NALF1: variants seen among roughly 807,000 people sequenced by gnomAD.
NALF1 encodes the protein family with sequence similarity 155 member A.
In NALF1, 3 loss-of-function variants were observed where a neutral mutation model predicts 48.4. The observed-to-expected ratio is 0.06, with a 90% CI of 0.03 to 0.16. The LOEUF (loss-of-function observed/expected upper bound fraction) is 0.16. NALF1 is among the 10% of genes least tolerant of loss of function. The pLI is 1.00. For synonymous variants in NALF1, 262 were observed against 245.7 expected, an observed-to-expected ratio of 1.07 and a Z score of -0.62; for missense variants, 526 against 571.5, an observed-to-expected ratio of 0.92 and a Z score of 0.81.
chr13:107,602,318 T>G (rs1878952413), intron 1 of NALF1, among the ~76,000 whole-genome samples: 1 of 152,170 alleles, frequency 6.6e-6, no homozygotes, highest in Non-Finnish European at 1.5e-5. Flanking sequence ...CGGCTGAGAA[T>G]AAGCTATTTA....
At chr13:107,538,738 G>A (rs796929662) in intron 1 of NALF1, among the ~76,000 whole-genome samples, 2 of 152,072 alleles carry the variant, frequency 1.3e-5, no homozygotes, top group Non-Finnish European at 2.9e-5. Flanking sequence ...GAGAAAAATT[G>A]CTTAATTTCT....
intron 1 of NALF1, among the ~76,000 whole-genome samples, chr13:107,403,678 A>G (rs1307229320): frequency 6.6e-6 from 1 of 151,868 alleles, no homozygotes; most frequent in Admixed American, 6.6e-5. Flanking sequence ...ACTGAAGACA[A>G]GTTCTTCCAC....
At chr13:107,639,454 A>G (rs1880090126) in intron 1 of NALF1, among the ~76,000 whole-genome samples, 1 of 152,112 alleles carries the variant, frequency 6.6e-6, no homozygotes, top group Admixed American at 6.5e-5. Flanking sequence ...GTGTCCTTGC[A>G]CTTTACCTCC....
chr13:107,754,147 CTT>C, intron 1 of NALF1, among the ~76,000 whole-genome samples: 1 of 152,136 alleles, frequency 6.6e-6, no homozygotes, highest in East Asian at 1.9e-4. Flanking sequence ...GATAGGAACT[CTT>C]TCATTCTGAT....
intron 1 of NALF1, among the ~76,000 whole-genome samples, chr13:107,600,057 T>A (rs2138423899): frequency 6.6e-6 from 1 of 152,340 alleles, no homozygotes; most frequent in East Asian, 1.9e-4. Context: ...TTTCATCTGG[T>A]GGTTAATTAT....
chr13:107,850,305 C>T (rs1029200568), intron 1 of NALF1, among the ~76,000 whole-genome samples: 6 of 152,176 alleles, frequency 3.9e-5, no homozygotes, highest in African/African-American at 1.4e-4. Flanking sequence ...TTGATTAAAT[C>T]AATTATATTT....
chr13:107,771,338 G>A lies in NALF1; in HGVS notation c.915+94344C>T, dbSNP rs142387121. 4.7e-4 allele frequency among the ~76,000 whole-genome samples: 72 copies of A among 151,692 alleles called. No individual in the cohort carries two copies. In the East Asian group the frequency reaches 0.013, roughly 27 times the overall value. On this transcript the variant is annotated intron_variant, in intron 1 of 2. Transcript: ENST00000375915. ...TGAAAATATAAATAAATTGCAGAAG[G>A]CCTATAATTATCATCATAATACATA... is the stretch of plus-strand genomic sequence containing the variant.
chr13:107,854,041 A>G (rs1331349347), intron 1 of NALF1, among the ~76,000 whole-genome samples: 3 of 152,252 alleles, frequency 2.0e-5, no homozygotes, highest in Non-Finnish European at 4.4e-5. Context: ...TTTCTTGTCA[A>G]TGAAGCAAAA....
At chr13:107,457,053 A>C (rs1884835730) in intron 1 of NALF1, among the ~76,000 whole-genome samples, 1 of 152,214 alleles carries the variant, frequency 6.6e-6, no homozygotes, top group Non-Finnish European at 1.5e-5. Flanking sequence ...AACACTGGTA[A>C]CATGCAGAAA....
At chr13:107,312,780 A>C (rs1241287969) in intron 1 of NALF1, among the ~76,000 whole-genome samples, 1 of 152,210 alleles carries the variant, frequency 6.6e-6, no homozygotes, top group Non-Finnish European at 1.5e-5. Flanking sequence ...AGCTTAACTC[A>C]AGTTAATGGC....
At chr13:107,219,746 G>GT (rs1475755446) in intron 1 of NALF1, among the ~76,000 whole-genome samples, 2 of 152,046 alleles carry the variant, frequency 1.3e-5, no homozygotes, top group Non-Finnish European at 2.9e-5. Context: ...AGATGTATTC[G>GT]TTTCTTCATA....
chr13:107,335,388 A>C (rs1477259501), intron 1 of NALF1, among the ~76,000 whole-genome samples: 1 of 152,210 alleles, frequency 6.6e-6, no homozygotes, highest in East Asian at 1.9e-4. Flanking sequence ...AATAAAACGG[A>C]TCAAGTGTTT....
At chr13:107,312,197 A>T (rs1415693784) in intron 1 of NALF1, among the ~76,000 whole-genome samples, 2 of 152,202 alleles carry the variant, frequency 1.3e-5, no homozygotes, top group Non-Finnish European at 2.9e-5. Context: ...GATAGACTGG[A>T]TTAAGAAAAT....
intron 1 of NALF1, among the ~76,000 whole-genome samples, chr13:107,211,362 C>G (rs886619432): frequency 6.6e-6 from 1 of 152,192 alleles, no homozygotes; most frequent in Non-Finnish European, 1.5e-5. Flanking sequence ...CGACATAGAG[C>G]AGACATCATA....
intron 1 of NALF1, among the ~76,000 whole-genome samples, chr13:107,589,905 T>C (rs1314541579): frequency 6.6e-6 from 1 of 152,004 alleles, no homozygotes; most frequent in Non-Finnish European, 1.5e-5. Flanking sequence ...TCAGCTGACA[T>C]CTCAGATGAA....
At position 107,337,112 on chromosome 13, in the gene NALF1, C is replaced by T. The variant is rs143618528; in HGVS notation, c.916-126357G>A. Among the ~76,000 whole-genome samples, 499 of 144,824 alleles carry T rather than the reference C, an allele frequency of 3.4e-3. 8 individuals carry two copies. The highest frequency in any genetic ancestry group is 0.013 in the African/African-American group (485 of 38,274). On this transcript the variant is annotated intron_variant, in intron 1 of 2. Coordinates refer to ENST00000375915, the MANE Select transcript of NALF1 (RefSeq NM_001080396.3). ...AAAAGAGACTCTTTAGGCCACATCA[C>T]GGCATGGCTTCCACTTTGGAAAATG...
intron 1 of NALF1, among the ~76,000 whole-genome samples, chr13:107,799,758 A>G (rs1878545268): frequency 6.6e-6 from 1 of 152,200 alleles, no homozygotes; most frequent in Non-Finnish European, 1.5e-5. Flanking sequence ...AGGTCAGTGG[A>G]TGAAAGCAAA....
intron 1 of NALF1, among the ~76,000 whole-genome samples, chr13:107,310,429 AT>A (rs1170316118): frequency 2.0e-5 from 3 of 151,518 alleles, no homozygotes; most frequent in Non-Finnish European, 2.9e-5. Flanking sequence ...AAAAAAAGTA[AT>A]TTCTCCTAAA....
intron 1 of NALF1, among the ~76,000 whole-genome samples, chr13:107,739,151 G>T (rs1876554185): frequency 6.6e-6 from 1 of 151,834 alleles, no homozygotes; most frequent in Admixed American, 6.6e-5. Flanking sequence ...ACACACCAGG[G>T]CCTGTCAGGC....
Sources: gnomAD v4.1 joint callset for allele counts (sites outside exome capture counted in the v4.1 genomes callset) on GRCh38, gnomAD v4.1.1 for gene constraint, MANE v1.5 for transcripts, NCBI Gene and HGNC (gene_info 2026-07-23, HGNC 2026-07-21) for gene names.